Variants in IRS1 observed in about 807,000 individuals in gnomAD.
The protein encoded by IRS1 is insulin receptor substrate 1.
In IRS1, 34 loss-of-function variants were observed where a neutral mutation model predicts 65.6. The observed-to-expected ratio is 0.52, with a 90% CI of 0.39 to 0.69. The LOEUF (loss-of-function observed/expected upper bound fraction) is 0.69, where lower values mean the gene tolerates loss of function less well. IRS1 is among the 30% of genes least tolerant of loss of function. The pLI is 0.00. For synonymous variants in IRS1, 699 were observed against 683.5 expected (o/e 1.02, Z -0.35); for missense variants, 1,641 against 1,720.2 (o/e 0.95, Z 0.81).
At chr2:226,746,775 T>G (rs548643315) in intron 1 of IRS1, among the ~76,000 whole-genome samples, 1 of 150,718 alleles carries the variant, frequency 6.6e-6, no homozygotes, top group Non-Finnish European at 1.5e-5. Context: ...AAAAGTTTCC[T>G]AGCAGCATTC....
intron 1 of IRS1, among the ~76,000 whole-genome samples, chr2:226,746,618 G>A (rs930871396): frequency 1.3e-5 from 2 of 151,866 alleles, no homozygotes; most frequent in African/African-American, 4.8e-5. Flanking sequence ...ATGAGGGGTC[G>A]ACCTTTCACC....
At chr2:226,759,690 CAA>C (rs1225368992) in intron 1 of IRS1, among the ~76,000 whole-genome samples, 4 of 152,106 alleles carry the variant, frequency 2.6e-5, no homozygotes, top group African/African-American at 7.2e-5. Flanking sequence ...AAAATTCATG[CAA>C]AGACAAATAA....
At chr2:226,769,217 T>C (rs1477115233) in intron 1 of IRS1, among the ~76,000 whole-genome samples, 1 of 152,070 alleles carries the variant, frequency 6.6e-6, no homozygotes, top group Non-Finnish European at 1.5e-5. Context: ...ATGCCAAAGA[T>C]GAAAATCCAC....
intron 1 of IRS1, among the ~76,000 whole-genome samples, chr2:226,754,466 G>A (rs1055948982): frequency 5.3e-5 from 8 of 152,288 alleles, no homozygotes; most frequent in South Asian, 2.1e-4. Flanking sequence ...TTCTCGCCAC[G>A]ATCCTGAGAC....
intron 1 of IRS1, among the ~76,000 whole-genome samples, chr2:226,767,763 T>C (rs948485122): frequency 3.3e-5 from 5 of 152,180 alleles, no homozygotes; most frequent in African/African-American, 9.7e-5. Flanking sequence ...AATGAATGTA[T>C]GAAAATCTAG....
chr2:226,797,009 A>ACGAAGG lies in IRS1; in HGVS notation c.1724_1729dup (p.Ala575_Phe576dup). On this transcript the variant is annotated inframe_insertion, in exon 1 of 2. Coordinates refer to ENST00000305123, the MANE Select transcript of IRS1 (RefSeq NM_005544.3). The surrounding 1 kb of genome is among the most constrained non-coding windows in gnomAD (Gnocchi z 8.1). ...CTCCTCTGGGTAGGAGCGGGTGGGC[A>ACGAAGG]CGAAGGCGGAGTGCCTGTGTCCCGG... The ACGAAGG allele has an allele frequency of 6.2e-7, 1 of 1,601,742 alleles. No homozygotes were observed.
In IRS1 at chr2:226,797,315, G is replaced by T. The variant is rs1320358249; in HGVS notation, c.1424C>A (p.Thr475Asn). 6.2e-7 allele frequency: 1 copy of T among 1,613,486 alleles called. No homozygotes were observed. The highest frequency in any genetic ancestry group is 1.1e-5 in the South Asian group (1 of 91,078). ...GTAGTGACCGTTGGGGGCGGTCAGG[G>T]TGGAGGGCCCCTTGCCACCCATGCA... ...YICMGGKGPS[T>N]LTAPNGHYIL... The change falls in exon 1 of 2, where the codon ACC (threonine) becomes AAC (asparagine). Residue 475 changes from threonine (T) to asparagine (N), a missense_variant. Coordinates refer to ENST00000305123, the MANE Select transcript of IRS1 (RefSeq NM_005544.3). This position sits in a 1 kb window ranked among gnomAD's most constrained non-coding sequence, Gnocchi z 8.1.
At chr2:226,737,803 C>A (rs991147054) in intron 1 of IRS1, among the ~76,000 whole-genome samples, 8 of 152,176 alleles carry the variant, frequency 5.3e-5, no homozygotes, top group Non-Finnish European at 8.8e-5. Context: ...GATGTGGAAA[C>A]TGGGATTGTG....
At chr2:226,784,382 G>A (rs1224187583) in intron 1 of IRS1, among the ~76,000 whole-genome samples, 2 of 151,820 alleles carry the variant, frequency 1.3e-5, no homozygotes, top group Non-Finnish European at 2.9e-5. Context: ...AAACACTGAC[G>A]ATTCTAATTC....
Position 226,799,167 on chromosome 2 carries a change from T to G in IRS1, c.-429A>C. The G allele has an allele frequency of 1.2e-5, 13 of 1,107,636 alleles. No homozygotes were observed. The highest frequency in any genetic ancestry group is 1.5e-5 in the Non-Finnish European group (13 of 895,024). The allele number at this position is 1,107,636 out of a possible 1,614,324, so 68.6% of individuals were successfully genotyped here. ...GCGCGCGCGCGCGCGCCTTCCCTCC[T>G]GAGTTCCCCTCTGGAAGCAGCGATT... is the stretch of plus-strand genomic sequence containing the variant. On this transcript the variant is annotated 5_prime_UTR_variant, in exon 1 of 2. Transcript: ENST00000305123. The surrounding 1 kb of genome is among the most constrained non-coding windows in gnomAD (Gnocchi z 6.1).
chr2:226,742,713 G>GGAAAAAAAAA (rs889878007), intron 1 of IRS1, among the ~76,000 whole-genome samples: 1 of 124,598 alleles, frequency 8.0e-6, no homozygotes, highest in African/African-American at 2.8e-5. Flanking sequence ...CACGCATTAT[G>GGAAAAAAAAA]AAAAAAAAAA....
At position 226,799,810 on chromosome 2, in the gene IRS1, G is replaced by T; in HGVS notation, c.-1072C>A. The T allele has an allele frequency of 2.0e-6, 2 of 988,228 alleles. No homozygotes were observed. The highest frequency in any genetic ancestry group is 1.2e-6 in the Non-Finnish European group (1 of 829,744). 61.2% of individuals were successfully genotyped at this position (988,228 alleles called of 1,614,324 possible). A position where few individuals can be genotyped will look rare whatever the true frequency, so the allele number is the denominator to read the frequency against. On this transcript the variant is annotated 5_prime_UTR_variant, in exon 1 of 2. Coordinates refer to ENST00000305123, the MANE Select transcript of IRS1 (RefSeq NM_005544.3). The surrounding 1 kb of genome is among the most constrained non-coding windows in gnomAD (Gnocchi z 6.1). ...GACGGAGCCTCCGCGCTCGGCAGCC[G>T]GGCAGCCGCCGCCGGGAGGCTCCCG... is the stretch of plus-strand genomic sequence containing the variant.
At position 226,795,333 on chromosome 2, in the gene IRS1, C is replaced by CGCTGCTGCTGCT; in HGVS notation, c.3394_3405dup (p.Ser1132_Ser1135dup). The stretch of plus-strand genomic sequence containing the variant: ...GCAGAGCTGTGGCGTTTCACATCCT[C>CGCTGCTGCTGCT]GCTGCTGCTGCTGCTACCGCCACCG... On this transcript the variant is annotated inframe_insertion, in exon 1 of 2. Coordinates refer to ENST00000305123, the MANE Select transcript of IRS1 (RefSeq NM_005544.3). 1 of 1,613,392 alleles carries CGCTGCTGCTGCT rather than the reference C, an allele frequency of 6.2e-7. No individual in the cohort carries two copies. The highest frequency in any genetic ancestry group is 1.1e-5 in the South Asian group (1 of 91,084).
intron 1 of IRS1, among the ~76,000 whole-genome samples, chr2:226,785,031 T>C (rs990622979): frequency 1.4e-4 from 22 of 152,238 alleles, no homozygotes; most frequent in African/African-American, 4.3e-4. Context: ...TAGTTGTATG[T>C]AGTCTTATGT....
chr2:226,792,669 A>G (rs929932744), intron 1 of IRS1, among the ~76,000 whole-genome samples: 1 of 152,220 alleles, frequency 6.6e-6, no homozygotes, highest in Non-Finnish European at 1.5e-5. Flanking sequence ...GCCTCATCAT[A>G]CCTCTATTCC....
intron 1 of IRS1, among the ~76,000 whole-genome samples, chr2:226,736,606 C>T (rs752785285): frequency 6.6e-6 from 1 of 151,848 alleles, no homozygotes; most frequent in Non-Finnish European, 1.5e-5. Flanking sequence ...CCGACATGAG[C>T]GGGTTGTAGT....
At chr2:226,772,563 G>T (rs913948767) in intron 1 of IRS1, among the ~76,000 whole-genome samples, 1 of 151,850 alleles carries the variant, frequency 6.6e-6, no homozygotes, top group African/African-American at 2.4e-5. Context: ...GAACAGTAGC[G>T]TATAATTTGT....
chr2:226,797,731 C>T lies in IRS1; in HGVS notation c.1008G>A (p.Met336Ile). The stretch of plus-strand genomic sequence containing the variant: ...TGCCGTCCACCGAGGCTGGGCGGGA[C>T]ATGGTGCCTTCGCCGTCACTGGAGG... ...VRASSDGEGTMSRPASVDGSP... is the reference protein window; with the variant it reads ...VRASSDGEGTISRPASVDGSP... Residue 336 changes from methionine to isoleucine, a missense_variant, in exon 1 of 2, where the codon ATG (methionine) becomes ATA (isoleucine). Met to Ile is a conservative substitution (Grantham distance 10). This residue lies in a region of IRS1 where 1,324 missense variants were observed against 1,361.0 expected (regional missense o/e 0.97). Transcript: ENST00000305123. This position sits in a 1 kb window ranked among gnomAD's most constrained non-coding sequence, Gnocchi z 8.1. 2 of 1,597,596 alleles carry T rather than the reference C, an allele frequency of 1.3e-6. No individual in the cohort carries two copies. Among genetic ancestry groups the T allele is most frequent in the Non-Finnish European group, 8.5e-7 (1 of 1,178,288 alleles).
intron 1 of IRS1, among the ~76,000 whole-genome samples, chr2:226,782,822 G>A (rs942179377): frequency 1.3e-5 from 2 of 152,166 alleles, no homozygotes; most frequent in African/African-American, 4.8e-5. Flanking sequence ...CCAACATGGT[G>A]AAACCCCGTC....
Sources: gnomAD v4.1 joint callset for allele counts (sites outside exome capture counted in the v4.1 genomes callset) on GRCh38, gnomAD v4.1.1 for gene constraint, gnomAD v4.1.1 regional missense constraint, Gnocchi (gnomAD v3.1) non-coding constraint, MANE v1.5 for transcripts, NCBI Gene and HGNC (gene_info 2026-07-23, HGNC 2026-07-21) for gene names.